Variants in CCDC93 observed in about 807,000 individuals in gnomAD.
CCDC93 encodes coiled-coil domain-containing protein 93.
A neutral mutation model predicts 108.2 loss-of-function variants in CCDC93; 61 were observed. That is an observed-to-expected ratio of 0.56 (90% CI 0.46 to 0.70). The LOEUF (loss-of-function observed/expected upper bound fraction) is 0.70, where lower values mean the gene tolerates loss of function less well. Among genes scored for constraint, CCDC93 ranks in the 30% least tolerant of loss-of-function variants. The pLI, the probability that CCDC93 is intolerant of heterozygous loss-of-function variation, is 0.00. For synonymous variants in CCDC93, 276 were observed against 260.4 expected (o/e 1.06, Z -0.58); for missense variants, 685 against 764.2 (o/e 0.90, Z 1.22).
At chr2:117,967,031 C>A (rs1045794276) in intron 11 of CCDC93, among the ~76,000 whole-genome samples, 5 of 152,136 alleles carry the variant, frequency 3.3e-5, no homozygotes, top group African/African-American at 1.2e-4. Context: ...CTCTCTCTGT[C>A]GCCCAGGCTG....
intron 8 of CCDC93, among the ~76,000 whole-genome samples, chr2:117,977,069 G>A (rs993765186): frequency 6.6e-6 from 1 of 151,842 alleles, no homozygotes; most frequent in Non-Finnish European, 1.5e-5. Flanking sequence ...CCGAGTAGCT[G>A]GGACTACAGG....
rs140075264 is a variant in CCDC93 at position 117,972,513 on chromosome 2, C to T, written c.888+1395G>A. 3.5e-4 allele frequency among the ~76,000 whole-genome samples: 53 copies of T among 152,264 alleles called. No individual in the cohort carries two copies. In the East Asian group the frequency reaches 9.9e-3, roughly 28 times the overall value. On this transcript the variant is annotated intron_variant, in intron 11 of 23. Transcript: ENST00000376300. ...GGAAAGAGAGATGCACTGCCAACCACAGGGGGCTCTGCCTGCCTGCTTTTT... is the reference window on the plus strand; with the variant it reads ...GGAAAGAGAGATGCACTGCCAACCATAGGGGGCTCTGCCTGCCTGCTTTTT...
At chr2:117,969,911 T>C (rs1679708638) in intron 11 of CCDC93, among the ~76,000 whole-genome samples, 1 of 152,286 alleles carries the variant, frequency 6.6e-6, no homozygotes, top group Admixed American at 6.5e-5. Context: ...CCTTGAACCC[T>C]CCTTCAAGTC....
intron 1 of CCDC93, chr2:118,008,882 T>C (rs1676948635): frequency 2.0e-6 from 1 of 507,588 alleles, no homozygotes. Flanking sequence ...TTAATCTTCA[T>C]AGCTGAGGGA....
In CCDC93 at chr2:117,986,075, T is replaced by A; in HGVS notation, c.520-6A>T. 1 of 1,586,678 alleles carries A rather than the reference T, an allele frequency of 6.3e-7. No individual in the cohort carries two copies. The highest frequency in any genetic ancestry group is 1.1e-5 in the South Asian group (1 of 90,184). ...CGACGGGGCTTGTACACTTCCTAAGTGGATGAGACAGCCAAGTTACTGAGT... is the reference window on the plus strand; with the variant it reads ...CGACGGGGCTTGTACACTTCCTAAGAGGATGAGACAGCCAAGTTACTGAGT... On this transcript the variant is annotated splice_polypyrimidine_tract_variant and splice_region_variant and intron_variant, in intron 6 of 23. Transcript: ENST00000376300.
rs1678790603 is a variant in CCDC93, at chr2:117,944,053, C to T, written c.1384G>A (p.Glu462Lys). The T allele has an allele frequency of 3.1e-6, 5 of 1,606,234 alleles. No homozygotes were observed. Among genetic ancestry groups the T allele is most frequent in the Non-Finnish European group, 4.2e-6 (5 of 1,177,106 alleles). The change falls in exon 18 of 24, where the codon GAG becomes AAG. Residue 462 changes from glutamate to lysine, a missense_variant. Coordinates refer to ENST00000376300, the MANE Select transcript of CCDC93 (RefSeq NM_019044.5). ...AGTAAACGTATCTTGTAAAGTTTCT[C>T]TTTCTCCATATTATACCGTCTGTCT... is the stretch of plus-strand genomic sequence containing the variant. ...DLDRRYNMEKEKLYKIRLLQA... is the reference protein window; with the variant it reads ...DLDRRYNMEKKKLYKIRLLQA...
chr2:117,923,387 G>T (rs1677953014), intron 23 of CCDC93, among the ~76,000 whole-genome samples: 1 of 152,176 alleles, frequency 6.6e-6, no homozygotes, highest in Non-Finnish European at 1.5e-5. Flanking sequence ...GGTGACAGAT[G>T]GCACCTGGAA....
At chr2:117,995,701 T>C (rs1476370638) in intron 5 of CCDC93, 199 bp from the exon 6 acceptor site, 1 of 530,722 alleles carries the variant, frequency 1.9e-6, no homozygotes, top group Non-Finnish European at 3.4e-6. Context: ...CATAGATCCC[T>C]ACACAGCCAG....
chr2:118,001,206 T>C (rs1254610582), intron 3 of CCDC93: 5 of 322,234 alleles, frequency 1.6e-5, no homozygotes, highest in Non-Finnish European at 2.9e-5. Context: ...GAAATGATGG[T>C]AACATTAGAG....
At chr2:117,932,222 T>G (rs536852158) in intron 22 of CCDC93, among the ~76,000 whole-genome samples, 58 of 152,226 alleles carry the variant, frequency 3.8e-4, no homozygotes, top group Non-Finnish European at 7.9e-4. Flanking sequence ...ACCGGGTGCC[T>G]GACTCATGGC....
intron 17 of CCDC93, chr2:117,944,594 A>C (rs1354778010): frequency 2.6e-6 from 1 of 386,918 alleles, no homozygotes; most frequent in African/African-American, 2.1e-5. Flanking sequence ...TGAACCCAGC[A>C]ATGAGACATG....
chr2:117,996,312 GAT>G lies in CCDC93; in HGVS notation c.412_413del (p.Ile138ProfsTer16). On this transcript the variant is annotated frameshift_variant, in exon 5 of 24. Transcript: ENST00000376300. LOFTEE classifies it high-confidence loss of function. ...GGAACTGGGATACAGAGTAGGAGCG[GAT>G]ATAGTCACCCATCTCTTCTTTTGTT... ...IETKEEMGDY[I>X]RSYSVSQFQK... is the part of the protein sequence containing the mutation. 1 of 1,613,728 alleles carries G rather than the reference GAT, an allele frequency of 6.2e-7. No individual in the cohort carries two copies. Among genetic ancestry groups the G allele is most frequent in the Non-Finnish European group, 8.5e-7 (1 of 1,179,642 alleles).
At position 117,917,199 on chromosome 2, in the gene CCDC93, A is replaced by C. The variant is rs546694376; in HGVS notation, c.*3144T>G. The C allele has an allele frequency of 9.2e-5, 14 of 152,778 alleles. No individual in the cohort carries two copies. In the East Asian group the frequency reaches 2.7e-3, roughly 30 times the overall value. The allele number at this position is 152,778 out of a possible 1,614,324, so 9.5% of individuals were successfully genotyped here. ...TATGAGGCAGCAGAAATATGAGGGC[A>C]CAGGTTAGAGCCAGGGCTCACTGTC... On this transcript the variant is annotated 3_prime_UTR_variant, in exon 24 of 24. Coordinates refer to ENST00000376300, the MANE Select transcript of CCDC93 (RefSeq NM_019044.5).
chr2:117,960,587 C>T (rs1223555376), intron 11 of CCDC93, among the ~76,000 whole-genome samples: 2 of 152,146 alleles, frequency 1.3e-5, no homozygotes, highest in Non-Finnish European at 2.9e-5. Context: ...ACACATACAG[C>T]TTTGTTTTAA....
At chr2:117,922,193 C>G (rs1677892835) in intron 23 of CCDC93, among the ~76,000 whole-genome samples, 1 of 152,200 alleles carries the variant, frequency 6.6e-6, no homozygotes, top group Non-Finnish European at 1.5e-5. Flanking sequence ...CATCAGAACT[C>G]TACCGTGGGG....
chr2:117,951,602 G>A (rs1679059299), intron 13 of CCDC93: 1 of 1,000,216 alleles, frequency 1.0e-6, no homozygotes, highest in Non-Finnish European at 1.2e-6. Flanking sequence ...GGAAGTACGA[G>A]GTAGGGACCT....
intron 11 of CCDC93, among the ~76,000 whole-genome samples, chr2:117,969,245 G>GT (rs1470506568): frequency 1.3e-5 from 2 of 152,244 alleles, no homozygotes; most frequent in African/African-American, 4.8e-5. Flanking sequence ...AGAGGCTCAT[G>GT]TGACAAGGAA....
At chr2:117,936,909 C>G in intron 20 of CCDC93, 170 bp from the exon 21 acceptor site, 1 of 611,686 alleles carries the variant, frequency 1.6e-6, no homozygotes, top group South Asian at 1.9e-5. Context: ...CATGTTCTGT[C>G]TCACAGATTT....
Position 117,917,229 on chromosome 2 carries a change from G to A in CCDC93, c.*3114C>T, listed in dbSNP as rs1221638151. On this transcript the variant is annotated 3_prime_UTR_variant, in exon 24 of 24. Coordinates refer to ENST00000376300, the MANE Select transcript of CCDC93 (RefSeq NM_019044.5). Reference sequence around the variant, plus strand: ...TTAGAGCCAGGGCTCACTGTCCGGAGTGCCCTTTCAGGCAGGTCTGCTTCG... The same window carrying A: ...TTAGAGCCAGGGCTCACTGTCCGGAATGCCCTTTCAGGCAGGTCTGCTTCG... The A allele has an allele frequency of 6.5e-6, 1 of 152,684 alleles. No individual in the cohort carries two copies. Among genetic ancestry groups the A allele is most frequent in the African/African-American group, 2.4e-5 (1 of 41,432 alleles). 9.5% of individuals were successfully genotyped at this position (152,684 alleles called of 1,614,324 possible). A position where few individuals can be genotyped will look rare whatever the true frequency, so the allele number is the denominator to read the frequency against.
Sources: gnomAD v4.1 joint callset for allele counts (sites outside exome capture counted in the v4.1 genomes callset) on GRCh38, gnomAD v4.1.1 for gene constraint, MANE v1.5 for transcripts, NCBI Gene and HGNC (gene_info 2026-07-23, HGNC 2026-07-21) for gene names.